Variants in CREB3L2 observed in about 807,000 individuals in gnomAD.
CREB3L2 encodes the protein cAMP responsive element binding protein 3 like 2.
A neutral mutation model predicts 57.2 loss-of-function variants in CREB3L2; 23 were observed. The observed-to-expected ratio is 0.40, with a 90% CI of 0.29 to 0.57. The LOEUF (loss-of-function observed/expected upper bound fraction) is 0.57. Ranked by LOEUF, CREB3L2 falls within the 20% of genes least tolerant of loss-of-function variation. The pLI is 0.42. For synonymous variants in CREB3L2, 268 were observed against 265.1 expected (o/e 1.01, Z -0.11); for missense variants, 628 against 634.7 (o/e 0.99, Z 0.11).
chr7:137,916,865 G>A (rs547143933), intron 2 of CREB3L2, among the ~76,000 whole-genome samples: 3 of 152,144 alleles, frequency 2.0e-5, no homozygotes, highest in Admixed American at 6.5e-5. Flanking sequence ...GGTAACCAAC[G>A]GGAGAAGATG....
intron 1 of CREB3L2, among the ~76,000 whole-genome samples, chr7:137,971,343 G>A (rs1365506030): frequency 2.0e-5 from 3 of 152,066 alleles, no homozygotes; most frequent in Middle Eastern, 3.2e-3. Context: ...CCAGCTACTC[G>A]GGAGGGTGAG....
intron 1 of CREB3L2, among the ~76,000 whole-genome samples, chr7:137,966,796 C>T (rs765706913): frequency 1.4e-4 from 22 of 152,152 alleles, no homozygotes; most frequent in African/African-American, 3.9e-4. Context: ...CCATATAATA[C>T]GCAGGAGCCG....
At chr7:137,968,544 CCTT>C (rs1225025122) in intron 1 of CREB3L2, among the ~76,000 whole-genome samples, 1 of 152,182 alleles carries the variant, frequency 6.6e-6, no homozygotes, top group Non-Finnish European at 1.5e-5. Context: ...ATGAACCCAT[CCTT>C]CTTTAAGGCT....
intron 4 of CREB3L2, among the ~76,000 whole-genome samples, chr7:137,910,272 CCTTT>C (rs764567256): frequency 5.9e-5 from 9 of 152,000 alleles, no homozygotes; most frequent in Non-Finnish European, 5.9e-5. Context: ...TCTCTCCCAC[CCTTT>C]CTTTCTCTTT....
chr7:137,907,305 G>T (rs1333453082), intron 5 of CREB3L2, among the ~76,000 whole-genome samples: 1 of 152,218 alleles, frequency 6.6e-6, no homozygotes, highest in African/African-American at 2.4e-5. Context: ...CCGACATGGG[G>T]AAGAGTTCCT....
At chr7:137,911,904 A>G (rs780838448) in intron 4 of CREB3L2, among the ~76,000 whole-genome samples, 12 of 152,230 alleles carry the variant, frequency 7.9e-5, no homozygotes, top group Non-Finnish European at 1.6e-4. Context: ...GTGAAGGCAC[A>G]GAAGTGAGAA....
At chr7:137,990,913 C>T (rs917020686) in intron 1 of CREB3L2, among the ~76,000 whole-genome samples, 1 of 152,140 alleles carries the variant, frequency 6.6e-6, no homozygotes, top group South Asian at 2.1e-4. Flanking sequence ...TTTCCCCAGA[C>T]TCCTCTTATT....
At chr7:137,885,327 C>T (rs1799391549) in intron 9 of CREB3L2, 76 bp downstream of exon 9, 1 of 1,356,936 alleles carries the variant, frequency 7.4e-7, no homozygotes, top group Non-Finnish European at 1.0e-6. Context: ...AGCACTTGGC[C>T]TTGGCAAGTG....
At chr7:137,976,480 T>G (rs1317952068) in intron 1 of CREB3L2, among the ~76,000 whole-genome samples, 4 of 152,228 alleles carry the variant, frequency 2.6e-5, no homozygotes, top group South Asian at 2.1e-4. Flanking sequence ...GCATTCTAAT[T>G]TAAAATATGC....
chr7:137,928,462 T>C, intron 1 of CREB3L2, 96 bp from the exon 2 acceptor site: 2 of 937,510 alleles, frequency 2.1e-6, no homozygotes, highest in South Asian at 1.4e-5. Flanking sequence ...CTGCTCGATA[T>C]GAAGTCCCTT....
chr7:137,881,293 C>T lies in CREB3L2; in HGVS notation c.1488-742G>A, dbSNP rs541554333. Among the ~76,000 whole-genome samples, 62 of 152,224 alleles carry T rather than the reference C, an allele frequency of 4.1e-4. 1 individual carries two copies. The highest frequency in any genetic ancestry group is 1.1e-3 in the African/African-American group (45 of 41,534). On this transcript the variant is annotated intron_variant, in intron 11 of 11. Coordinates refer to ENST00000330387, the MANE Select transcript of CREB3L2 (RefSeq NM_194071.4). Reference sequence around the variant, plus strand: ...TGATACTGTTTCAGTAGCCCTCATCCGAAAATCTAAAATCTAAAATGCTCC... The same window carrying T: ...TGATACTGTTTCAGTAGCCCTCATCTGAAAATCTAAAATCTAAAATGCTCC...
At chr7:137,943,182 G>GC (rs1800906486) in intron 1 of CREB3L2, among the ~76,000 whole-genome samples, 1 of 152,106 alleles carries the variant, frequency 6.6e-6, no homozygotes, top group African/African-American at 2.4e-5. Flanking sequence ...AGTCTCCCAG[G>GC]CCCCCTGCGG....
In CREB3L2 at chr7:137,908,266, G is replaced by A; in HGVS notation, c.754C>T (p.Leu252Phe). 1 of 1,259,026 alleles carries A rather than the reference G, an allele frequency of 7.9e-7. No individual in the cohort carries two copies. Among genetic ancestry groups the A allele is most frequent in the Non-Finnish European group, 1.0e-6 (1 of 993,056 alleles). The allele number at this position is 1,259,026 out of a possible 1,614,324, so 78.0% of individuals were successfully genotyped here. A position where few individuals can be genotyped will look rare whatever the true frequency, so the allele number is the denominator to read the frequency against. ...TGCATACTTACATGAGGAGCCGTGA[G>A]GAGAGGGGAGCTGGAGAGGGCGGAG... ...APSALSSSPL[L>F]TAPHKLQGSG... is the part of the protein sequence containing the mutation. Residue 252 changes from leucine to phenylalanine, a missense_variant, in exon 5 of 12, where the codon CTC (leucine) becomes TTC (phenylalanine). Coordinates refer to ENST00000330387, the MANE Select transcript of CREB3L2 (RefSeq NM_194071.4).
At chr7:137,948,249 C>A (rs1039799348) in intron 1 of CREB3L2, among the ~76,000 whole-genome samples, 1 of 152,244 alleles carries the variant, frequency 6.6e-6, no homozygotes, top group Non-Finnish European at 1.5e-5. Context: ...TGCTGTCTTG[C>A]AGCTCAAAGC....
rs1563235526 is a variant in CREB3L2, at chr7:137,880,438, T to TA, written c.*37dup. 6.5e-7 allele frequency: 1 copy of TA among 1,539,444 alleles called. No individual in the cohort carries two copies. The highest frequency in any genetic ancestry group is 2.3e-5 in the East Asian group (1 of 44,400). On this transcript the variant is annotated 3_prime_UTR_variant, in exon 12 of 12. Transcript: ENST00000330387. This position sits in a 1 kb window ranked among gnomAD's most constrained non-coding sequence, Gnocchi z 4.0. ...CAAAGGTGGTTTGGGGATGTAAAAG[T>TA]AGAGTTAAGGGAAAGGGAGGGGGTG... is the stretch of plus-strand genomic sequence containing the variant.
intron 7 of CREB3L2, among the ~76,000 whole-genome samples, chr7:137,902,084 C>CTTG (rs997503546): frequency 1.3e-5 from 2 of 148,968 alleles, no homozygotes; most frequent in African/African-American, 4.9e-5. Context: ...ATCCGAGCTA[C>CTTG]TTGGGAGGCT....
At chr7:137,882,364 C>A (rs765646277) in intron 11 of CREB3L2, 48 bp downstream of exon 11, 2 of 1,444,636 alleles carry the variant, frequency 1.4e-6, no homozygotes, top group Non-Finnish European at 1.9e-6. Flanking sequence ...GACTCATAAC[C>A]CACCATCAGT....
intron 2 of CREB3L2, among the ~76,000 whole-genome samples, chr7:137,923,674 A>C (rs1800385085): frequency 6.6e-6 from 1 of 152,076 alleles, no homozygotes; most frequent in South Asian, 2.1e-4. Context: ...CAAAGCAAAA[A>C]CCTAAGTCAT....
intron 5 of CREB3L2, among the ~76,000 whole-genome samples, chr7:137,907,030 T>C (rs1266862745): frequency 6.6e-6 from 1 of 152,188 alleles, no homozygotes; most frequent in Non-Finnish European, 1.5e-5. Context: ...AACACTACTA[T>C]GAGTTGTGTG....
Sources: allele counts gnomAD v4.1 joint callset (sites outside exome capture counted in the v4.1 genomes callset), GRCh38; gene constraint gnomAD v4.1.1; non-coding constraint Gnocchi (gnomAD v3.1); transcripts MANE v1.5; gene names NCBI Gene and HGNC (gene_info 2026-07-23, HGNC 2026-07-21).